SETD1A: variants seen among roughly 807,000 people sequenced by gnomAD.
The protein encoded by SETD1A is histone-lysine N-methyltransferase SETD1A.
A neutral mutation model predicts 149.9 loss-of-function variants in SETD1A; 29 were observed. The ratio of observed to expected loss-of-function variants is 0.19; its 90% CI spans 0.14 to 0.26. SETD1A has a LOEUF of 0.26. Ranked by LOEUF, SETD1A falls within the 10% of genes least tolerant of loss-of-function variation. The pLI, the probability that SETD1A is intolerant of heterozygous loss-of-function variation, is 1.00. For synonymous variants in SETD1A, 1,141 were observed against 968.5 expected (o/e 1.18, Z -3.31); for missense variants, 2,109 against 2,353.1 (o/e 0.90, Z 2.15).
rs1298205766 is a variant in SETD1A, at chr16:30,980,338, C to T, written c.4408+144C>T. 6.9e-7 allele frequency: 1 copy of T among 1,442,338 alleles called. No individual in the cohort carries two copies. The highest frequency in any genetic ancestry group is 9.3e-7 in the Non-Finnish European group (1 of 1,075,778). The allele number at this position is 1,442,338 out of a possible 1,614,324, so 89.3% of individuals were successfully genotyped here. A position where few individuals can be genotyped will look rare whatever the true frequency, so the allele number is the denominator to read the frequency against. On this transcript the variant is annotated intron_variant, in intron 14 of 18. Transcript: ENST00000262519. This position sits in a 1 kb window ranked among gnomAD's most constrained non-coding sequence, Gnocchi z 7.7. ...CTCCTGGTGCCTCTTTTCTGCCTTC[C>T]AAAGCATTTCTGGCAGGAACGATGG...
chr16:30,981,343 G>C (rs2056375238), intron 17 of SETD1A, among the ~76,000 whole-genome samples, 163 bp downstream of exon 17: 1 of 152,166 alleles, frequency 6.6e-6, no homozygotes, highest in Admixed American at 6.5e-5. Flanking sequence ...GGTGTCAGTG[G>C]TCCAGCAGGA....
At position 30,979,294 on chromosome 16, in the gene SETD1A, T is replaced by C; in HGVS notation, c.3508T>C (p.Phe1170Leu). Residue 1170 changes from phenylalanine (F) to leucine (L), a missense_variant, in exon 14 of 19, where the codon TTC (phenylalanine) becomes CTC (leucine). By Grantham distance (22) the Phe-to-Leu change is conservative (BLOSUM62 0). This residue lies in a region of SETD1A where 832 missense variants were observed against 815.6 expected (regional missense o/e 1.02). Coordinates refer to ENST00000262519, the MANE Select transcript of SETD1A (RefSeq NM_014712.3). ...CAAGAAACGCCGGAAAACTGTCTCC[T>C]TCTCTGCCATCGAGGTGGTGCCAGC... is the stretch of plus-strand genomic sequence containing the variant. The part of the protein sequence containing the change: ...PPKKRRKTVS[F>L]SAIEVVPAPE... 1 of 1,550,068 alleles carries C rather than the reference T, an allele frequency of 6.5e-7. No homozygotes were observed. Among genetic ancestry groups the C allele is most frequent in the African/African-American group, 1.4e-5 (1 of 69,900 alleles).
At position 30,983,880 on chromosome 16, in the gene SETD1A, G is replaced by A; in HGVS notation, c.4981G>A (p.Glu1661Lys). The A allele has an allele frequency of 6.2e-7, 1 of 1,611,330 alleles. No individual in the cohort carries two copies. Among genetic ancestry groups the A allele is most frequent in the Non-Finnish European group, 8.5e-7 (1 of 1,178,596 alleles). ...PNCYAKVITI[E>K]SQKKIVIYSK... ...CTGCTACGCCAAGGTCATCACCATC[G>A]AGTCCCAGAAGAAGATCGTGATCTA... Residue 1661 changes from glutamate (E) to lysine (K), a missense_variant, in exon 19 of 19, where the codon GAG becomes AAG. Coordinates refer to ENST00000262519, the MANE Select transcript of SETD1A (RefSeq NM_014712.3). This position sits in a 1 kb window ranked among gnomAD's most constrained non-coding sequence, Gnocchi z 6.8.
intron 12 of SETD1A, among the ~76,000 whole-genome samples, chr16:30,970,362 G>A (rs2056209945): frequency 6.6e-6 from 1 of 150,478 alleles, no homozygotes; most frequent in Admixed American, 6.6e-5. Context: ...CCGCCTCCCT[G>A]GTTCCAGCGA....
rs748547049 is a variant in SETD1A, at chr16:30,959,129, C to G, written c.189C>G (p.Pro63=). 6.2e-7 allele frequency: 1 copy of G among 1,613,990 alleles called. No individual in the cohort carries two copies. The highest frequency in any genetic ancestry group is 1.7e-5 in the Admixed American group (1 of 60,022). The change falls in exon 3 of 19, where the codon CCC becomes CCG. Residue 63 remains proline (P), a synonymous_variant. Transcript: ENST00000262519. The part of the protein sequence containing the change: ...KYIPVEDLQD[P]RCHVRSKNRD... Reference sequence around the variant, plus strand: ...TACCAGTCGAAGACCTCCAAGACCCCCGTTGCCATGTCAGGTCCAAAAACA... The same window carrying G: ...TACCAGTCGAAGACCTCCAAGACCCGCGTTGCCATGTCAGGTCCAAAAACA...
At position 30,979,698 on chromosome 16, in the gene SETD1A, G is replaced by A; in HGVS notation, c.3912G>A (p.Leu1304=). The A allele has an allele frequency of 6.2e-7, 1 of 1,604,698 alleles. No homozygotes were observed. The highest frequency in any genetic ancestry group is 2.2e-5 in the East Asian group (1 of 44,816). Residue 1304 remains leucine (L), a synonymous_variant, in exon 14 of 19, where the codon CTG becomes CTA. Coordinates refer to ENST00000262519, the MANE Select transcript of SETD1A (RefSeq NM_014712.3). ...TCCTCCTGGAGCACAACTATGCCCT[G>A]GCCGTCAAGCCCACGCCCCCTGCGC... ...SHILLEHNYA[L]AVKPTPPAPA...
In SETD1A at chr16:30,983,618, G is replaced by A. The variant is rs777432120; in HGVS notation, c.4813-17G>A. ...AGTGGGGGACTCTTCCCTGACCATC[G>A]CATCTCACCCTGGCAGATGGTGGCC... On this transcript the variant is annotated splice_polypyrimidine_tract_variant and intron_variant, in intron 17 of 18. Transcript: ENST00000262519. The surrounding 1 kb of genome is among the most constrained non-coding windows in gnomAD (Gnocchi z 6.8). 23 of 1,608,460 alleles carry A rather than the reference G, an allele frequency of 1.4e-5. No individual in the cohort carries two copies. The highest frequency in any genetic ancestry group is 5.1e-5 in the Admixed American group (3 of 59,164).
At chr16:30,958,913 G>C (rs1164465116) in intron 2 of SETD1A, 32 bp downstream of exon 2, 1 of 1,612,466 alleles carries the variant, frequency 6.2e-7, no homozygotes, top group Non-Finnish European at 8.5e-7. Context: ...TGCCATCCGG[G>C]GAGCTCCAGG....
At chr16:30,968,140 C>T (rs565436585) in intron 10 of SETD1A, among the ~76,000 whole-genome samples, 1 of 152,308 alleles carries the variant, frequency 6.6e-6, no homozygotes, top group South Asian at 2.1e-4. Context: ...CGCAGTGGCT[C>T]CTGACTGTAA....
At position 30,960,730 on chromosome 16, in the gene SETD1A, C is replaced by CTTTTTTT. The variant is rs71374043; in HGVS notation, c.247-520_247-514dup. On this transcript the variant is annotated intron_variant, in intron 3 of 18. Transcript: ENST00000262519. The stretch of plus-strand genomic sequence containing the variant: ...AGTGTGTACATTTCTTTCTTTCTTT[C>CTTTTTTT]TTTTTTTTTTTTTTTTTTTTTTTGA... Among the ~76,000 whole-genome samples, 55 of 80,536 alleles carry CTTTTTTT rather than the reference C, an allele frequency of 6.8e-4. 1 individual carries two copies. Among genetic ancestry groups the CTTTTTTT allele is most frequent in the Admixed American group, 1.0e-3 (6 of 5,946 alleles). The allele number at this position is 80,536 out of a possible 152,430, so 52.8% of individuals were successfully genotyped here.
rs377102722 is a variant in SETD1A at position 30,980,009 on chromosome 16, C to A, written c.4223C>A (p.Pro1408Gln). 2 of 1,500,174 alleles carry A rather than the reference C, an allele frequency of 1.3e-6. No individual in the cohort carries two copies. The highest frequency in any genetic ancestry group is 2.6e-5 in the East Asian group (1 of 38,188). The allele number at this position is 1,500,174 out of a possible 1,614,324, so 92.9% of individuals were successfully genotyped here. The change falls in exon 14 of 19, where the codon CCG (proline) becomes CAG (glutamine). Residue 1408 changes from proline to glutamine, a missense_variant. Transcript: ENST00000262519. This position sits in a 1 kb window ranked among gnomAD's most constrained non-coding sequence, Gnocchi z 7.7. ...CGCCGCCGCCCTCCGCCCCCACCCC[C>A]GCCGCCACCGCCCCGCGCCTACGAG... Reference protein sequence around the residue: ...ARRRRPPPPPPPPPPRAYEPR... With the variant: ...ARRRRPPPPPQPPPPRAYEPR...
chr16:30,969,952 G>A (rs1214794903), intron 12 of SETD1A, among the ~76,000 whole-genome samples: 1 of 151,990 alleles, frequency 6.6e-6, no homozygotes, highest in Non-Finnish European at 1.5e-5. Flanking sequence ...CGCTTTTTTT[G>A]TTTTGTTTTT....
intron 10 of SETD1A, among the ~76,000 whole-genome samples, chr16:30,968,069 C>T (rs190619034): frequency 6.6e-6 from 1 of 152,236 alleles, no homozygotes; most frequent in East Asian, 1.9e-4. Flanking sequence ...CCTCTTCCAC[C>T]CGACCAGAAA....
Position 30,971,511 on chromosome 16 carries a change from A to C in SETD1A, c.3150A>C (p.Ser1050=), listed in dbSNP as rs200444093. The change falls in exon 13 of 19, where the codon TCA becomes TCC. Residue 1050 remains serine, a synonymous_variant. Coordinates refer to ENST00000262519, the MANE Select transcript of SETD1A (RefSeq NM_014712.3). ...SSSSSSSSSS[S]SSSSSSSSES... ...CATCCTCCTCCTCCTCCTCGTCCTC[A>C]TCCTCCTCGTCCTCTTCATCCTCTG... 2.4e-5 allele frequency: 39 copies of C among 1,613,558 alleles called. No homozygotes were observed. The highest frequency in any genetic ancestry group is 1.6e-4 in the East Asian group (7 of 44,844).
Position 30,971,432 on chromosome 16 carries a change from A to G in SETD1A, c.3071A>G (p.Asp1024Gly). 1 of 1,612,490 alleles carries G rather than the reference A, an allele frequency of 6.2e-7. No homozygotes were observed. The highest frequency in any genetic ancestry group is 2.2e-5 in the East Asian group (1 of 44,840). ...SSKCSLYADS[D>G]GENDSTSDSE... is the part of the protein sequence containing the mutation. ...AAATGTTCTCTGTATGCTGACTCAGATGGCGAAAATGACAGCACATCAGAC... is the reference window on the plus strand; with the variant it reads ...AAATGTTCTCTGTATGCTGACTCAGGTGGCGAAAATGACAGCACATCAGAC... The change falls in exon 13 of 19, where the codon GAT becomes GGT. Residue 1024 changes from aspartate to glycine, a missense_variant. Asp to Gly is a moderately conservative substitution (Grantham distance 94). Transcript: ENST00000262519.
chr16:30,964,484 G>C, intron 6 of SETD1A, 128 bp from the exon 7 acceptor site: 10 of 1,485,490 alleles, frequency 6.7e-6, no homozygotes, highest in Non-Finnish European at 9.1e-6. Flanking sequence ...GAACACACTA[G>C]CTAGGAACCC....
intron 10 of SETD1A, among the ~76,000 whole-genome samples, chr16:30,967,816 G>A (rs1237084134): frequency 1.3e-5 from 2 of 152,168 alleles, no homozygotes; most frequent in East Asian, 3.9e-4. Context: ...TGTATTTTGG[G>A]TTTTTCCATC....
In SETD1A at chr16:30,961,347, C is replaced by T. The variant is rs1409848871; in HGVS notation, c.327C>T (p.Phe109=). ...ARLNDNVRET[F]LKDMCRKYGE... ...TGAATGACAACGTGCGGGAGACCTT[C>T]CTGAAGGATATGTGCCGTAAGTACG... Residue 109 remains phenylalanine (F), a synonymous_variant, in exon 4 of 19, where the codon TTC becomes TTT. Coordinates refer to ENST00000262519, the MANE Select transcript of SETD1A (RefSeq NM_014712.3). The surrounding 1 kb of genome is among the most constrained non-coding windows in gnomAD (Gnocchi z 4.0). 4.3e-6 allele frequency: 7 copies of T among 1,614,122 alleles called. No homozygotes were observed. Among genetic ancestry groups the T allele is most frequent in the Admixed American group, 1.7e-5 (1 of 60,010 alleles).
chr16:30,979,409 G>T lies in SETD1A; in HGVS notation c.3623G>T (p.Arg1208Leu), dbSNP rs766833784. 3.7e-6 allele frequency: 6 copies of T among 1,611,244 alleles called. No homozygotes were observed. Among genetic ancestry groups the T allele is most frequent in the South Asian group, 1.1e-5 (1 of 90,700 alleles). ...CCCCGGGGCGTGGAGCGGACCATCCGCAACCTGCCCCTGGACCACGCATCT... is the reference window on the plus strand; with the variant it reads ...CCCCGGGGCGTGGAGCGGACCATCCTCAACCTGCCCCTGGACCACGCATCT... ...KAPRGVERTI[R>L]NLPLDHASLV... is the part of the protein sequence containing the mutation. The change falls in exon 14 of 19, where the codon CGC (arginine) becomes CTC (leucine). Residue 1208 changes from arginine to leucine, a missense_variant. Physicochemically the swap from Arg to Leu is moderately radical, Grantham distance 102. Transcript: ENST00000262519.
Sources: allele counts gnomAD v4.1 joint callset (sites outside exome capture counted in the v4.1 genomes callset), GRCh38; gene constraint gnomAD v4.1.1; regional missense constraint gnomAD v4.1.1; non-coding constraint Gnocchi (gnomAD v3.1); transcripts MANE v1.5; gene names NCBI Gene and HGNC (gene_info 2026-07-23, HGNC 2026-07-21).